The following ARAP2 variants were observed in gnomAD, a reference collection of about 807,000 sequenced individuals.
The protein encoded by ARAP2 is arf-GAP with Rho-GAP domain, ANK repeat and PH domain-containing protein 2.
Under a neutral mutation model 194.5 loss-of-function variants are expected in ARAP2, and 148 were observed. That is an observed-to-expected ratio of 0.76 (90% CI 0.67 to 0.87). The LOEUF is 0.87. Ranked by LOEUF, ARAP2 falls within the 40% of genes least tolerant of loss-of-function variation. The pLI is 0.00. For missense variants in ARAP2, 2,128 were observed against 1,989.7 expected, an observed-to-expected ratio of 1.07 and a Z score of -1.32; for synonymous variants, 695 against 683.5, an observed-to-expected ratio of 1.02 and a Z score of -0.26.
At chr4:36,083,329 A>G (rs200492277) in intron 29 of ARAP2, 39 bp downstream of exon 29, 56 of 1,422,408 alleles carry the variant, frequency 3.9e-5, no homozygotes, top group Admixed American at 5.7e-5. Context: ...TATTTTTCCC[A>G]TAAGTTTTTC....
rs117623031 is a variant in ARAP2, at chr4:36,203,175, G to T, written c.1487+7215C>A. Among the ~76,000 whole-genome samples, 36 of 152,300 alleles carry T rather than the reference G, an allele frequency of 2.4e-4. No homozygotes were observed. The East Asian group carries it at 5.4e-3, about 23-fold the overall frequency. On this transcript the variant is annotated intron_variant, in intron 6 of 32. Transcript: ENST00000303965. ...TTTATTCAATGGAGAGAATAAAACA[G>T]GAGGTTTTGGGGCTGGGAGACTCAG... is the stretch of plus-strand genomic sequence containing the variant.
intron 1 of ARAP2, among the ~76,000 whole-genome samples, chr4:36,242,005 G>A (rs1203659759): frequency 6.6e-6 from 1 of 152,164 alleles, no homozygotes; most frequent in Non-Finnish European, 1.5e-5. Context: ...GATCACGTGA[G>A]GAGAATACCA....
chr4:36,213,444 G>A (rs1484005561), intron 3 of ARAP2, 125 bp from the exon 4 acceptor site: 3 of 649,158 alleles, frequency 4.6e-6, no homozygotes, highest in East Asian at 3.0e-5. Flanking sequence ...TTCTGTAAGA[G>A]TCCAAATTAT....
At chr4:36,137,181 T>C (rs1314996863) in intron 19 of ARAP2, among the ~76,000 whole-genome samples, 1 of 151,904 alleles carries the variant, frequency 6.6e-6, no homozygotes, top group Non-Finnish European at 1.5e-5. Context: ...CATAAGTACA[T>C]GATTTGAAAT....
chr4:36,124,402 T>C (rs1409284031), intron 22 of ARAP2, among the ~76,000 whole-genome samples: 1 of 151,892 alleles, frequency 6.6e-6, no homozygotes, highest in Non-Finnish European at 1.5e-5. Context: ...ACATTCCTCA[T>C]ATCTTCCCAA....
At chr4:36,196,070 G>A (rs1048178540) in intron 6 of ARAP2, among the ~76,000 whole-genome samples, 6 of 152,148 alleles carry the variant, frequency 3.9e-5, no homozygotes, top group Non-Finnish European at 5.9e-5. Context: ...TTAAAAGAAC[G>A]GTTGAGGGAA....
At position 36,229,432 on chromosome 4, in the gene ARAP2, T is replaced by C. The variant is rs1751006737; in HGVS notation, c.55A>G (p.Asn19Asp). ...AAATGTAAGAGATACTGCTCCAAAT[T>C]AATGCTCATTAGGAAATCTTTTATA... The part of the protein sequence containing the change: ...VDIKDFLMSI[N>D]LEQYLLHFHE... Residue 19 changes from asparagine (N) to aspartate (D), a missense_variant, in exon 2 of 33, where the codon AAT (asparagine) becomes GAT (aspartate). Coordinates refer to ENST00000303965, the MANE Select transcript of ARAP2 (RefSeq NM_015230.4). The C allele has an allele frequency of 6.2e-7, 1 of 1,613,542 alleles. No homozygotes were observed. The highest frequency in any genetic ancestry group is 1.1e-5 in the South Asian group (1 of 91,034).
intron 8 of ARAP2, among the ~76,000 whole-genome samples, chr4:36,184,150 A>G (rs1431830794): frequency 6.6e-6 from 1 of 152,132 alleles, no homozygotes; most frequent in Non-Finnish European, 1.5e-5. Context: ...AAACTTTATC[A>G]AGTGTATTAA....
intron 2 of ARAP2, among the ~76,000 whole-genome samples, chr4:36,215,225 T>A (rs1223744683): frequency 6.6e-6 from 1 of 152,218 alleles, no homozygotes; most frequent in Non-Finnish European, 1.5e-5. Flanking sequence ...ATTGTGCCAT[T>A]GCTGAAAGTA....
At chr4:36,208,072 A>C (rs1365149559) in intron 6 of ARAP2, among the ~76,000 whole-genome samples, 4 of 152,240 alleles carry the variant, frequency 2.6e-5, no homozygotes, top group Non-Finnish European at 5.9e-5. Context: ...AGCTTGTATG[A>C]AATAAATAAA....
chr4:36,159,433 T>C lies in ARAP2; in HGVS notation c.2515A>G (p.Met839Val). The change falls in exon 14 of 33, where the codon ATG (methionine) becomes GTG (valine). Residue 839 changes from methionine (M) to valine (V), a missense_variant. Coordinates refer to ENST00000303965, the MANE Select transcript of ARAP2 (RefSeq NM_015230.4). Reference sequence around the variant, plus strand: ...TGCACGGGGTCTCCGGTGGCACACATGACATCTGCTCCACTGAACAGCAAA... The same window carrying C: ...TGCACGGGGTCTCCGGTGGCACACACGACATCTGCTCCACTGAACAGCAAA... ...MALLFSGADV[M>V]CATGDPVHST... The C allele has an allele frequency of 6.2e-7, 1 of 1,610,986 alleles. No homozygotes were observed. The highest frequency in any genetic ancestry group is 8.5e-7 in the Non-Finnish European group (1 of 1,177,924).
At chr4:36,092,546 G>A (rs1714009294) in intron 27 of ARAP2, among the ~76,000 whole-genome samples, 1 of 152,126 alleles carries the variant, frequency 6.6e-6, no homozygotes, top group Admixed American at 6.6e-5. Context: ...GGAGGCAGAG[G>A]TTGCAGTGAG....
Position 36,085,683 on chromosome 4 carries a change from T to A in ARAP2, c.4426-2233A>T, listed in dbSNP as rs73123477. Among the ~76,000 whole-genome samples, 8 of 152,140 alleles carry A rather than the reference T, an allele frequency of 5.3e-5. No individual in the cohort carries two copies. The South Asian group carries it at 8.3e-4, about 16-fold the overall frequency. ...TCTTCAAATTATTCTTATCTATTTA[T>A]CCTTTGAGGTGAATTGTCAAATATT... On this transcript the variant is annotated intron_variant, in intron 28 of 32. Coordinates refer to ENST00000303965, the MANE Select transcript of ARAP2 (RefSeq NM_015230.4).
In ARAP2 at chr4:36,229,459, C is replaced by T. The variant is rs147255071; in HGVS notation, c.28G>A (p.Asp10Asn). 1.6e-3 allele frequency: 2,614 copies of T among 1,611,504 alleles called. 8 individuals are homozygous for T. Among genetic ancestry groups the T allele is most frequent in the Middle Eastern group, 0.015 (93 of 6,052 alleles). MSSVSEVNV[D>N]IKDFLMSINL... ...ATGCTCATTAGGAAATCTTTTATAT[C>T]CACATTTACTTCACTGACTGAGGAC... Residue 10 changes from aspartate to asparagine, a missense_variant, in exon 2 of 33, where the codon GAT becomes AAT. Physicochemically the swap from Asp to Asn is conservative, Grantham distance 23. Transcript: ENST00000303965.
intron 2 of ARAP2, among the ~76,000 whole-genome samples, chr4:36,056,779 A>G (rs1353393987): frequency 6.6e-6 from 1 of 152,142 alleles, no homozygotes; most frequent in South Asian, 2.1e-4. Flanking sequence ...CATGAAAGTC[A>G]TATGTTCTTT....
At chr4:36,213,175 A>C in intron 4 of ARAP2, 68 bp downstream of exon 4, 7 of 1,135,274 alleles carry the variant, frequency 6.2e-6, no homozygotes, top group Non-Finnish European at 7.8e-6. Context: ...GAGAAAAATG[A>C]AGAGGTACAA....
At chr4:36,143,869 T>C (rs1044511096) in intron 19 of ARAP2, among the ~76,000 whole-genome samples, 18 of 151,892 alleles carry the variant, frequency 1.2e-4, no homozygotes, top group African/African-American at 4.1e-4. Context: ...AAAATGTTAT[T>C]AACTGTCTGT....
intron 3 of ARAP2, among the ~76,000 whole-genome samples, chr4:36,048,136 C>T (rs1041327792): frequency 2.6e-5 from 4 of 152,146 alleles, no homozygotes; most frequent in African/African-American, 7.2e-5. Flanking sequence ...AATAATGCTG[C>T]ATATACCCAG....
At chr4:36,028,713 T>C (rs1046421473) in intron 5 of ARAP2, among the ~76,000 whole-genome samples, 3 of 152,024 alleles carry the variant, frequency 2.0e-5, no homozygotes, top group Non-Finnish European at 4.4e-5. Flanking sequence ...AACCTTGTAT[T>C]TACTTGCTTT....
Sources: gnomAD v4.1 joint callset for allele counts (sites outside exome capture counted in the v4.1 genomes callset) on GRCh38, gnomAD v4.1.1 for gene constraint, MANE v1.5 for transcripts, NCBI Gene and HGNC (gene_info 2026-07-23, HGNC 2026-07-21) for gene names.